PALMD: variants seen among roughly 807,000 people sequenced by gnomAD.
The protein encoded by PALMD is palmdelphin.
Under a neutral mutation model 56.2 loss-of-function variants are expected in PALMD, and 42 were observed. The ratio of observed to expected loss-of-function variants is 0.75; its 90% CI spans 0.58 to 0.97. The LOEUF (loss-of-function observed/expected upper bound fraction) is 0.97, where lower values mean the gene tolerates loss of function less well. Among genes scored for constraint, PALMD ranks in the 50% least tolerant of loss-of-function variants. The pLI is 0.00. For missense variants in PALMD, 660 were observed against 643.8 expected, an observed-to-expected ratio of 1.03 and a Z score of -0.27; for synonymous variants, 242 against 222.9, an observed-to-expected ratio of 1.09 and a Z score of -0.76.
chr1:99,692,898 A>C (rs1443185466), intron 7 of PALMD, among the ~76,000 whole-genome samples: 1 of 152,204 alleles, frequency 6.6e-6, no homozygotes, highest in Non-Finnish European at 1.5e-5. Context: ...ATTCTAGGGA[A>C]TATTCTTGGC....
In PALMD at chr1:99,689,251, T is replaced by A; in HGVS notation, c.991T>A (p.Ser331Thr). 3 of 1,613,362 alleles carry A rather than the reference T, an allele frequency of 1.9e-6. No homozygotes were observed. The highest frequency in any genetic ancestry group is 1.1e-5 in the South Asian group (1 of 91,040). Residue 331 changes from serine (S) to threonine (T), a missense_variant, in exon 7 of 8, where the codon TCA becomes ACA. Transcript: ENST00000263174. ...CATTCCGCCAGTGCCTCATCCCCGA[T>A]CAGTGATTCAACAAGCAGAAGAGAA... ...SPIPPVPHPR[S>T]VIQQAEEKLH...
chr1:99,661,920 A>G (rs553686695), intron 1 of PALMD, among the ~76,000 whole-genome samples: 1 of 152,258 alleles, frequency 6.6e-6, no homozygotes, highest in South Asian at 2.1e-4. Context: ...GAGTCCTTTC[A>G]CCCAGAGGCT....
chr1:99,683,398 C>A (rs1653416192), intron 3 of PALMD: 9 of 152,250 alleles, frequency 5.9e-5, no homozygotes, highest in Admixed American at 5.9e-4. Context: ...TCAAATTTAA[C>A]ACATCCCCCA....
Position 99,683,048 on chromosome 1 carries a change from GAAAGAA to G in PALMD, c.252-3626_252-3621del, listed in dbSNP as rs1249262400. Among the ~76,000 whole-genome samples, 128 of 12,950 alleles carry G rather than the reference GAAAGAA, an allele frequency of 9.9e-3. 4 individuals are homozygous for G. The East Asian group carries it at 0.19, about 19-fold the overall frequency. 8.5% of individuals were successfully genotyped at this position (12,950 alleles called of 152,430 possible). ...AGAAAGAAAGAAAGAAAGAAAGAAA[GAAAGAA>G]AGAGAGAGAGAGAGAGAGAGAGAGA... On this transcript the variant is annotated intron_variant, in intron 3 of 7. Transcript: ENST00000263174.
intron 1 of PALMD, among the ~76,000 whole-genome samples, chr1:99,660,663 T>C (rs757732359): frequency 6.6e-6 from 1 of 151,996 alleles, no homozygotes; most frequent in Non-Finnish European, 1.5e-5. Context: ...AAGAAATACT[T>C]ACGAAATTTT....
At chr1:99,661,592 A>C (rs2100858715) in intron 1 of PALMD, among the ~76,000 whole-genome samples, 1 of 152,318 alleles carries the variant, frequency 6.6e-6, no homozygotes, top group South Asian at 2.1e-4. Context: ...AGAGCTAGTA[A>C]GTGGAGGAGG....
Position 99,689,821 on chromosome 1 carries a change from C to A in PALMD, c.1561C>A (p.Pro521Thr), listed in dbSNP as rs1202240687. ...CTTAGGCAGCCCTGTCCACCATTCC[C>A]CATTTGATGCTCAGACAACTGGAGA... is the stretch of plus-strand genomic sequence containing the variant. Reference protein sequence around the residue: ...ESLGSPVHHSPFDAQTTGDGT... With the variant: ...ESLGSPVHHSTFDAQTTGDGT... Residue 521 changes from proline to threonine, a missense_variant, in exon 7 of 8, where the codon CCA (proline) becomes ACA (threonine). Pro to Thr is a conservative substitution (Grantham distance 38, BLOSUM62 -1). Transcript: ENST00000263174. The A allele has an allele frequency of 1.2e-6, 2 of 1,612,698 alleles. No homozygotes were observed. Among genetic ancestry groups the A allele is most frequent in the Admixed American group, 1.7e-5 (1 of 59,872 alleles).
At chr1:99,677,416 G>A (rs1307743628) in intron 3 of PALMD, among the ~76,000 whole-genome samples, 1 of 151,866 alleles carries the variant, frequency 6.6e-6, no homozygotes, top group Non-Finnish European at 1.5e-5. Flanking sequence ...AATCCTAACT[G>A]GTAGACATTC....
intron 3 of PALMD, among the ~76,000 whole-genome samples, chr1:99,679,648 A>G (rs1653294755): frequency 6.6e-6 from 1 of 152,186 alleles, no homozygotes; most frequent in African/African-American, 2.4e-5. Flanking sequence ...CTTCATTATC[A>G]TAGAAAGTAA....
At chr1:99,679,554 AG>A (rs1439861587) in intron 3 of PALMD, among the ~76,000 whole-genome samples, 1 of 152,228 alleles carries the variant, frequency 6.6e-6, no homozygotes, top group Non-Finnish European at 1.5e-5. Flanking sequence ...AACGAAGATT[AG>A]GACAGAAATA....
chr1:99,659,627 T>A lies in PALMD; in HGVS notation c.46-2692T>A, dbSNP rs1286678196. Among the ~76,000 whole-genome samples, 4 of 152,200 alleles carry A rather than the reference T, an allele frequency of 2.6e-5. No homozygotes were observed. In the East Asian group the frequency reaches 5.8e-4, roughly 22 times the overall value. Reference sequence around the variant, plus strand: ...TACTAGCAATCGAGCTAGATAAACATCTTAAGGTTGACTTATAGTTTATTC... The same window carrying A: ...TACTAGCAATCGAGCTAGATAAACAACTTAAGGTTGACTTATAGTTTATTC... On this transcript the variant is annotated intron_variant, in intron 1 of 7. Transcript: ENST00000263174.
In PALMD at chr1:99,687,183, A is replaced by G. The variant is rs763564456; in HGVS notation, c.508A>G (p.Arg170Gly). ...NEEKEDDEQN[R>G]KALYAMEIKV... ...AGAAAAAGAAGATGATGAACAAAATAGGAAAGGTATATGAGAAATCTGTGT... is the reference window on the plus strand; with the variant it reads ...AGAAAAAGAAGATGATGAACAAAATGGGAAAGGTATATGAGAAATCTGTGT... Residue 170 changes from arginine (R) to glycine (G), a missense_variant, in exon 6 of 8, where the codon AGG becomes GGG. Transcript: ENST00000263174. 1.2e-6 allele frequency: 2 copies of G among 1,602,230 alleles called. No homozygotes were observed. Among genetic ancestry groups the G allele is most frequent in the South Asian group, 1.1e-5 (1 of 89,818 alleles).
intron 7 of PALMD, among the ~76,000 whole-genome samples, chr1:99,693,364 T>C (rs1363538055): frequency 6.6e-6 from 1 of 152,188 alleles, no homozygotes; most frequent in Non-Finnish European, 1.5e-5. Context: ...ACCAGAAAAG[T>C]GTTATACATT....
chr1:99,673,190 A>G (rs1429510363), intron 3 of PALMD, among the ~76,000 whole-genome samples: 1 of 152,202 alleles, frequency 6.6e-6, no homozygotes, highest in African/African-American at 2.4e-5. Flanking sequence ...TTCAAAAGAG[A>G]ACCCAAAACA....
chr1:99,676,912 T>C (rs1653225655), intron 3 of PALMD, among the ~76,000 whole-genome samples: 1 of 152,168 alleles, frequency 6.6e-6, no homozygotes, highest in South Asian at 2.1e-4. Context: ...CTCTGACCCA[T>C]CAGTAGTAAT....
intron 2 of PALMD, among the ~76,000 whole-genome samples, chr1:99,665,022 A>C (rs1652928805): frequency 6.6e-6 from 1 of 152,130 alleles, no homozygotes; most frequent in Non-Finnish European, 1.5e-5. Flanking sequence ...CAAACTACTC[A>C]TACAGAGATT....
At chr1:99,666,967 A>AT (rs1466957291) in intron 2 of PALMD, among the ~76,000 whole-genome samples, 4 of 152,204 alleles carry the variant, frequency 2.6e-5, no homozygotes, top group African/African-American at 9.6e-5. Flanking sequence ...ACTCACCAAC[A>AT]TTTAGACAGA....
intron 1 of PALMD, among the ~76,000 whole-genome samples, chr1:99,651,607 A>G (rs1652587738): frequency 6.6e-6 from 1 of 152,226 alleles, no homozygotes; most frequent in Admixed American, 6.5e-5. Context: ...AAAAGAAATA[A>G]GAATATTTTA....
At chr1:99,668,887 C>G (rs1653025525) in intron 3 of PALMD, 1 of 152,148 alleles carries the variant, frequency 6.6e-6, no homozygotes, top group African/African-American at 2.4e-5. Flanking sequence ...CATTTTCTAA[C>G]CTACAAAGGG....
Sources: gnomAD v4.1 joint callset for allele counts (sites outside exome capture counted in the v4.1 genomes callset) on GRCh38, gnomAD v4.1.1 for gene constraint, MANE v1.5 for transcripts, NCBI Gene and HGNC (gene_info 2026-07-23, HGNC 2026-07-21) for gene names.